FAM227B: variants seen among roughly 807,000 people sequenced by gnomAD.
FAM227B encodes family with sequence similarity 227 member B, also known as protein FAM227B.
FAM227B carries 88 observed loss-of-function variants against 73.8 expected under a neutral mutation model. The ratio of observed to expected loss-of-function variants is 1.19; its 90% CI spans 1.00 to 1.42. FAM227B has a LOEUF of 1.42. Among genes scored for constraint, FAM227B ranks in the 40% most tolerant of loss-of-function variants. FAM227B has a pLI of 0.00. For missense variants in FAM227B, 632 were observed against 590.9 expected (o/e 1.07, Z -0.72); for synonymous variants, 210 against 190.5 (o/e 1.10, Z -0.84).
chr15:49,549,558 C>T (rs917097296), intron 9 of FAM227B, among the ~76,000 whole-genome samples: 2 of 151,988 alleles, frequency 1.3e-5, no homozygotes, highest in African/African-American at 4.8e-5. Context: ...CCTCAAGCAT[C>T]TGTTTAACAA....
chr15:49,572,766 G>C (rs1406984519), intron 8 of FAM227B, among the ~76,000 whole-genome samples: 1 of 151,986 alleles, frequency 6.6e-6, no homozygotes, highest in South Asian at 2.1e-4. Context: ...TTTAGGAGCT[G>C]GACTCAAGTC....
At chr15:49,459,465 G>A (rs538850507) in intron 11 of FAM227B, among the ~76,000 whole-genome samples, 17 of 151,518 alleles carry the variant, frequency 1.1e-4, no homozygotes, top group Admixed American at 9.8e-4. Context: ...TTTTTTTTGA[G>A]ATATAAGAGT....
At chr15:49,475,085 T>C (rs924063940) in intron 11 of FAM227B, among the ~76,000 whole-genome samples, 1 of 152,208 alleles carries the variant, frequency 6.6e-6, no homozygotes, top group Non-Finnish European at 1.5e-5. Flanking sequence ...ACAAAAGATC[T>C]ATAGAATTGG....
At chr15:49,447,939 A>G (rs1220486672) in intron 11 of FAM227B, among the ~76,000 whole-genome samples, 3 of 151,716 alleles carry the variant, frequency 2.0e-5, no homozygotes, top group Non-Finnish European at 4.4e-5. Flanking sequence ...TCCTTTAAAG[A>G]TCTAGCTTTT....
intron 9 of FAM227B, among the ~76,000 whole-genome samples, chr15:49,559,860 G>A (rs111968410): frequency 0.02 from 2,996 of 151,986 alleles, 122 homozygotes; most frequent in African/African-American, 0.069. Context: ...ACTTGAACCT[G>A]AAAGGTGGAG....
chr15:49,328,500 G>T lies in FAM227B; in HGVS notation c.*68C>A. 1 of 1,581,860 alleles carries T rather than the reference G, an allele frequency of 6.3e-7. No individual in the cohort carries two copies. On this transcript the variant is annotated 3_prime_UTR_variant, in exon 16 of 16. Transcript: ENST00000299338. ...GGATTGGACTTGAATTAAATATATT[G>T]TTACAATTAAACTGATACCACTGAA...
intron 3 of FAM227B, among the ~76,000 whole-genome samples, chr15:49,597,675 A>T (rs2076959189): frequency 6.6e-6 from 1 of 152,106 alleles, no homozygotes; most frequent in Non-Finnish European, 1.5e-5. Context: ...AACTAAACAA[A>T]AAGCTTGTTA....
At chr15:49,501,421 T>G (rs1397994472) in intron 11 of FAM227B, among the ~76,000 whole-genome samples, 3 of 152,198 alleles carry the variant, frequency 2.0e-5, no homozygotes, top group Non-Finnish European at 4.4e-5. Flanking sequence ...GGCTGCATTG[T>G]TTCCCTGCCC....
At chr15:49,478,050 G>A (rs2055522410) in intron 11 of FAM227B, among the ~76,000 whole-genome samples, 1 of 152,094 alleles carries the variant, frequency 6.6e-6, no homozygotes, top group Non-Finnish European at 1.5e-5. Flanking sequence ...AGTACCTAAT[G>A]GTTTTTCAAC....
intron 10 of FAM227B, among the ~76,000 whole-genome samples, chr15:49,508,927 TTCCC>T (rs2058776155): frequency 6.6e-6 from 1 of 152,164 alleles, no homozygotes. Context: ...TTACTCACAG[TTCCC>T]AAGAGTAGGG....
intron 13 of FAM227B, among the ~76,000 whole-genome samples, chr15:49,351,734 C>G (rs1414324501): frequency 6.9e-6 from 1 of 143,886 alleles, no homozygotes; most frequent in Non-Finnish European, 1.5e-5. Flanking sequence ...TGATAACAGT[C>G]CCAATGGATG....
chr15:49,524,909 G>A (rs968424974), intron 10 of FAM227B, among the ~76,000 whole-genome samples: 1 of 152,174 alleles, frequency 6.6e-6, no homozygotes. Flanking sequence ...TGGAATGGCT[G>A]TATTTACCCA....
At chr15:49,461,225 T>A (rs1238800165) in intron 11 of FAM227B, among the ~76,000 whole-genome samples, 1 of 152,176 alleles carries the variant, frequency 6.6e-6, no homozygotes, top group East Asian at 1.9e-4. Flanking sequence ...TCCTTGTCAT[T>A]TGGGCTAATT....
chr15:49,342,450 G>A (rs2040880420), intron 13 of FAM227B, among the ~76,000 whole-genome samples: 1 of 152,268 alleles, frequency 6.6e-6, no homozygotes, highest in African/African-American at 2.4e-5. Flanking sequence ...GTCTCTTGAA[G>A]ACAGCAGATG....
chr15:49,391,900 C>T (rs892393167), intron 11 of FAM227B, among the ~76,000 whole-genome samples: 1 of 152,128 alleles, frequency 6.6e-6, no homozygotes, highest in African/African-American at 2.4e-5. Context: ...CCCAATTCTC[C>T]TTGCTTGGCA....
intron 13 of FAM227B, chr15:49,365,125 T>C (rs1000858209): frequency 7.0e-6 from 5 of 717,040 alleles, no homozygotes; most frequent in African/African-American, 3.5e-5. Context: ...CATAATATTA[T>C]TGCTGGACAA....
chr15:49,479,360 G>A (rs9302148), intron 11 of FAM227B, among the ~76,000 whole-genome samples: 49,703 of 151,574 alleles, frequency 0.33, 8,915 homozygotes, highest in African/African-American at 0.46. Context: ...AAATTTACTG[G>A]GTACTACTTA....
intron 9 of FAM227B, among the ~76,000 whole-genome samples, chr15:49,555,968 T>C (rs954753286): frequency 1.3e-5 from 2 of 152,256 alleles, no homozygotes; most frequent in Non-Finnish European, 2.9e-5. Context: ...TTAGAATCCT[T>C]GGATTGAATT....
intron 11 of FAM227B, among the ~76,000 whole-genome samples, chr15:49,468,990 T>C (rs2151956471): frequency 1.3e-5 from 2 of 152,302 alleles, no homozygotes; most frequent in South Asian, 4.1e-4. Context: ...ATGTTTCAGG[T>C]TGACACCTTA....
Sources: gnomAD v4.1 joint callset for allele counts (sites outside exome capture counted in the v4.1 genomes callset) on GRCh38, gnomAD v4.1.1 for gene constraint, MANE v1.5 for transcripts, NCBI Gene and HGNC (gene_info 2026-07-23, HGNC 2026-07-21) for gene names.